The following GLYAT variants were observed in gnomAD, a reference collection of about 807,000 sequenced individuals.
GLYAT encodes glycine N-acyltransferase.
Under a neutral mutation model 22.8 loss-of-function variants are expected in GLYAT, and 25 were observed. The observed-to-expected ratio is 1.09, with a 90% CI of 0.80 to 1.53. The LOEUF is 1.53. GLYAT is among the 40% of genes most tolerant of loss of function. GLYAT has a pLI of 0.00. For missense variants in GLYAT, 411 were observed against 353.9 expected (o/e 1.16, Z -1.29); for synonymous variants, 140 against 122.7 (o/e 1.14, Z -0.93).
chr11:58,722,899 G>A (rs912426860), intron 2 of GLYAT, among the ~76,000 whole-genome samples: 3 of 152,002 alleles, frequency 2.0e-5, no homozygotes, highest in African/African-American at 7.2e-5. Context: ...TCCATTAAAA[G>A]CAACTGGCAT....
At chr11:58,721,091 T>C (rs542367615) in intron 2 of GLYAT, among the ~76,000 whole-genome samples, 2 of 151,954 alleles carry the variant, frequency 1.3e-5, no homozygotes, top group Non-Finnish European at 2.9e-5. Context: ...TAAATACATA[T>C]AAAGATGAAT....
intron 1 of GLYAT, among the ~76,000 whole-genome samples, chr11:58,730,932 T>C (rs1047909269): frequency 6.6e-6 from 1 of 152,098 alleles, no homozygotes; most frequent in Non-Finnish European, 1.5e-5. Flanking sequence ...AGACATAATA[T>C]ATAATATGTA....
chr11:58,718,629 A>T (rs1856712363), intron 2 of GLYAT, among the ~76,000 whole-genome samples: 1 of 151,966 alleles, frequency 6.6e-6, no homozygotes, highest in Non-Finnish European at 1.5e-5. Context: ...GATGAAAAAA[A>T]GGTTTAAGGC....
chr11:58,728,341 G>T (rs1232819067), intron 1 of GLYAT, among the ~76,000 whole-genome samples: 1 of 152,010 alleles, frequency 6.6e-6, no homozygotes, highest in East Asian at 1.9e-4. Context: ...GATTACAGGC[G>T]TGAGCCACTG....
chr11:58,723,135 A>G (rs1232957771), intron 2 of GLYAT, among the ~76,000 whole-genome samples: 1 of 152,078 alleles, frequency 6.6e-6, no homozygotes, highest in Non-Finnish European at 1.5e-5. Context: ...AAAATTCTAC[A>G]TCACAGAGTG....
In GLYAT at chr11:58,712,801, G is replaced by A. The variant is rs1313996886; in HGVS notation, c.275C>T (p.Ser92Leu). Residue 92 changes from serine (S) to leucine (L), a missense_variant, in exon 4 of 6, where the codon TCA becomes TTA. Coordinates refer to ENST00000344743, the MANE Select transcript of GLYAT (RefSeq NM_201648.3). The stretch of plus-strand genomic sequence containing the variant: ...CTGTTTCCAGTTGATGAGTTCTGGT[G>A]ATCCAAGGAATTCCTGACAGTTTTG... ...DPQNCQEFLGSPELINWKQHL... is the reference protein window; with the variant it reads ...DPQNCQEFLGLPELINWKQHL... 1 of 1,612,300 alleles carries A rather than the reference G, an allele frequency of 6.2e-7. No homozygotes were observed. Among genetic ancestry groups the A allele is most frequent in the Admixed American group, 1.7e-5 (1 of 59,968 alleles).
intron 3 of GLYAT, among the ~76,000 whole-genome samples, chr11:58,713,451 T>C (rs1856641360): frequency 2.6e-5 from 4 of 152,128 alleles, no homozygotes; most frequent in Non-Finnish European, 4.4e-5. Context: ...AAGGGAAAGC[T>C]TATGTCACAA....
chr11:58,722,695 G>C (rs1279328009), intron 2 of GLYAT, among the ~76,000 whole-genome samples: 1 of 152,028 alleles, frequency 6.6e-6, no homozygotes, highest in Non-Finnish European at 1.5e-5. Context: ...GTTTTCTTTA[G>C]TGATTTTGGG....
intron 3 of GLYAT, among the ~76,000 whole-genome samples, chr11:58,714,952 T>A (rs1436151940): frequency 6.6e-6 from 1 of 152,146 alleles, no homozygotes; most frequent in East Asian, 1.9e-4. Context: ...TTTTCTCTGC[T>A]TAGAATGTCC....
chr11:58,718,456 A>G (rs1416560171), intron 2 of GLYAT, among the ~76,000 whole-genome samples: 3 of 152,060 alleles, frequency 2.0e-5, no homozygotes, highest in Non-Finnish European at 4.4e-5. Flanking sequence ...GATACTCATT[A>G]ACATTTTATC....
At chr11:58,724,186 A>G in intron 2 of GLYAT, 1 of 432,044 alleles carries the variant, frequency 2.3e-6, no homozygotes, top group Admixed American at 3.9e-5. Flanking sequence ...TAGCATTGCA[A>G]CTCAGTATTT....
At chr11:58,711,912 C>A (rs1044181536) in intron 4 of GLYAT, among the ~76,000 whole-genome samples, 1 of 152,216 alleles carries the variant, frequency 6.6e-6, no homozygotes, top group Admixed American at 6.5e-5. Context: ...AAGACCAATA[C>A]CATTAAGATA....
intron 5 of GLYAT, 126 bp downstream of exon 5, chr11:58,710,464 T>A (rs972069598): frequency 1.1e-5 from 9 of 838,562 alleles, no homozygotes; most frequent in African/African-American, 3.4e-5. Flanking sequence ...TTACATTTTT[T>A]AAAAATGTAA....
In GLYAT at chr11:58,716,081, C is replaced by T. The variant is rs138257503; in HGVS notation, c.82-658G>A. Among the ~76,000 whole-genome samples the T allele has an allele frequency of 1.5e-4, 23 of 152,130 alleles. No homozygotes were observed. The South Asian group carries it at 2.1e-3, about 14-fold the overall frequency. On this transcript the variant is annotated intron_variant, in intron 2 of 5. Coordinates refer to ENST00000344743, the MANE Select transcript of GLYAT (RefSeq NM_201648.3). ...TGCTCAAGAGAATAAGCTTGGGGTCCCCTAGCCTGGGTCCATTCTTAGATC... is the reference window on the plus strand; with the variant it reads ...TGCTCAAGAGAATAAGCTTGGGGTCTCCTAGCCTGGGTCCATTCTTAGATC...
At chr11:58,731,373 T>C (rs1856869924) in intron 1 of GLYAT, among the ~76,000 whole-genome samples, 1 of 152,180 alleles carries the variant, frequency 6.6e-6, no homozygotes, top group Admixed American at 6.5e-5. Context: ...CTTCTAAGGA[T>C]TTTCATGGTA....
At chr11:58,725,069 A>G (rs1033948271) in intron 1 of GLYAT, among the ~76,000 whole-genome samples, 1 of 152,098 alleles carries the variant, frequency 6.6e-6, no homozygotes, top group Non-Finnish European at 1.5e-5. Flanking sequence ...CACTTGAGCC[A>G]AAGTCCTATA....
chr11:58,716,817 T>G (rs1488181505), intron 2 of GLYAT, among the ~76,000 whole-genome samples: 1 of 152,092 alleles, frequency 6.6e-6, no homozygotes, highest in Non-Finnish European at 1.5e-5. Context: ...ATGCCCAAGG[T>G]GGCTGGGCAC....
At position 58,724,537 on chromosome 11, in the gene GLYAT, A is replaced by G. The variant is rs189549161; in HGVS notation, c.-15-26T>C. The G allele has an allele frequency of 3.0e-5, 38 of 1,271,604 alleles. No individual in the cohort carries two copies. In the African/African-American group the frequency reaches 5.2e-4, roughly 17 times the overall value. The allele number at this position is 1,271,604 out of a possible 1,614,324, so 78.8% of individuals were successfully genotyped here. ...CTAGAAAGACAACCAAGGAACATAC[A>G]GGATTGAGAAAAGCTAGAGGAGATT... is the stretch of plus-strand genomic sequence containing the variant. On this transcript the variant is annotated intron_variant, in intron 1 of 5. Coordinates refer to ENST00000344743, the MANE Select transcript of GLYAT (RefSeq NM_201648.3).
At chr11:58,726,042 G>T (rs975914829) in intron 1 of GLYAT, among the ~76,000 whole-genome samples, 18 of 152,160 alleles carry the variant, frequency 1.2e-4, no homozygotes, top group African/African-American at 4.3e-4. Flanking sequence ...GTCTTGTCAG[G>T]AAGCTGCTGA....
Sources: gnomAD v4.1 joint callset for allele counts (sites outside exome capture counted in the v4.1 genomes callset) on GRCh38, gnomAD v4.1.1 for gene constraint, MANE v1.5 for transcripts, NCBI Gene and HGNC (gene_info 2026-07-23, HGNC 2026-07-21) for gene names.